TRMT11: variants seen among roughly 807,000 people sequenced by gnomAD.
TRMT11 encodes the protein tRNA methyltransferase 11.
Under a neutral mutation model 62.8 loss-of-function variants are expected in TRMT11, and 53 were observed. That is an observed-to-expected ratio of 0.84 (90% CI 0.68 to 1.06). The LOEUF is 1.06. Among genes scored for constraint, TRMT11 ranks in the 50% least tolerant of loss-of-function variants. TRMT11 has a pLI of 0.00. For missense variants in TRMT11, 556 were observed against 553.4 expected, an observed-to-expected ratio of 1.00 and a Z score of -0.05; for synonymous variants, 188 against 190.3, an observed-to-expected ratio of 0.99 and a Z score of 0.10.
the TRMT11 span, among the ~76,000 whole-genome samples, chr6:126,252,227 G>A: frequency 1.3e-5 from 2 of 152,210 alleles, no homozygotes; most frequent in African/African-American, 2.4e-5. Context: ...GGACAGCTGG[G>A]ACTTGGCGGT....
At chr6:126,110,708 G>A (rs1347369519) in intron 17 of TRMT11, among the ~76,000 whole-genome samples, 6 of 152,104 alleles carry the variant, frequency 3.9e-5, no homozygotes, top group African/African-American at 1.4e-4. Context: ...GCACACACAC[G>A]TGCATACAAA....
At chr6:126,027,000 G>A (rs559708655) in intron 12 of TRMT11, among the ~76,000 whole-genome samples, 64 of 151,432 alleles carry the variant, frequency 4.2e-4, no homozygotes, top group Middle Eastern at 3.5e-3. Context: ...TAGAGACGGG[G>A]TTTCACCATG....
At chr6:126,072,245 T>C (rs1776879868) in intron 17 of TRMT11, among the ~76,000 whole-genome samples, 2 of 152,200 alleles carry the variant, frequency 1.3e-5, no homozygotes, top group South Asian at 4.1e-4. Context: ...TAGGGAGCTC[T>C]GAAGTTGAAC....
In TRMT11 at chr6:125,992,367, T is replaced by C. The variant is rs556664074; in HGVS notation, c.73-1390T>C. Reference sequence around the variant, plus strand: ...CTTGGTTATAGTTGGATGTTTTAAATGTAAAACTGACTTTACAATATGCTT... The same window carrying C: ...CTTGGTTATAGTTGGATGTTTTAAACGTAAAACTGACTTTACAATATGCTT... On this transcript the variant is annotated intron_variant, in intron 1 of 12. Transcript: ENST00000334379. Among the ~76,000 whole-genome samples the C allele has an allele frequency of 2.6e-5, 4 of 152,328 alleles. No homozygotes were observed. The East Asian group carries it at 5.8e-4, about 22-fold the overall frequency.
chr6:125,998,650 C>G lies in TRMT11; in HGVS notation c.488C>G (p.Pro163Arg), dbSNP rs571690618. ...EDYGLDPNCI[P>R]ENPHNIYFGR... The stretch of plus-strand genomic sequence containing the variant: ...TATGGTTTAGACCCAAACTGCATCC[C>G]TGAGAATCCACATAATATTTATTTT... Residue 163 changes from proline to arginine, a missense_variant, in exon 6 of 13, where the codon CCT becomes CGT. Coordinates refer to ENST00000334379, the MANE Select transcript of TRMT11 (RefSeq NM_001031712.3). The G allele has an allele frequency of 8.7e-6, 14 of 1,613,188 alleles. No individual in the cohort carries two copies. Among genetic ancestry groups the G allele is most frequent in the African/African-American group, 1.3e-5 (1 of 75,000 alleles).
At chr6:126,254,763 G>A in the TRMT11 span, among the ~76,000 whole-genome samples, 1 of 152,044 alleles carries the variant, frequency 6.6e-6, no homozygotes, top group African/African-American at 2.4e-5. Flanking sequence ...ACTGTTAAAT[G>A]CCATTAGCTC....
chr6:126,238,822 C>G, the TRMT11 span, among the ~76,000 whole-genome samples: 1 of 152,124 alleles, frequency 6.6e-6, no homozygotes, highest in Admixed American at 6.5e-5. Context: ...GTTAAAGTCT[C>G]CCATTATTAT....
chr6:126,011,418 G>C lies in TRMT11; in HGVS notation c.925+1G>C, dbSNP rs187345220. On this transcript the variant is annotated splice_donor_variant, in intron 9 of 12. Transcript: ENST00000334379. LOFTEE classifies it high-confidence loss of function. ...TATTTTGATGCAATCATTACTGATC[G>C]TAAGTTTATTTTTATACAAAAGTAG... 5 of 1,606,364 alleles carry C rather than the reference G, an allele frequency of 3.1e-6. No individual in the cohort carries two copies. The highest frequency in any genetic ancestry group is 4.5e-5 in the East Asian group (2 of 44,680).
At chr6:126,252,168 T>C in the TRMT11 span, among the ~76,000 whole-genome samples, 1 of 152,238 alleles carries the variant, frequency 6.6e-6, no homozygotes, top group Non-Finnish European at 1.5e-5. Flanking sequence ...TGTTTGGGGC[T>C]TCAGCTGAGA....
chr6:126,189,149 C>T (rs990592731), intron 1 of TRMT11, among the ~76,000 whole-genome samples: 2 of 152,026 alleles, frequency 1.3e-5, no homozygotes, highest in East Asian at 3.9e-4. Context: ...CAGACAGACC[C>T]CTGTACTGAT....
At chr6:126,252,089 A>G in the TRMT11 span, among the ~76,000 whole-genome samples, 1 of 152,350 alleles carries the variant, frequency 6.6e-6, no homozygotes, top group South Asian at 2.1e-4. Context: ...AACCATTTTA[A>G]TATGCTCACA....
At chr6:126,183,998 T>C (rs1778498515) in intron 1 of TRMT11, among the ~76,000 whole-genome samples, 1 of 152,162 alleles carries the variant, frequency 6.6e-6, no homozygotes, top group African/African-American at 2.4e-5. Flanking sequence ...TGAGATGTCA[T>C]TTTGGTCTTG....
chr6:126,136,730 A>G (rs1777854321), intron 21 of TRMT11, among the ~76,000 whole-genome samples: 1 of 151,884 alleles, frequency 6.6e-6, no homozygotes, highest in Non-Finnish European at 1.5e-5. Flanking sequence ...CTGATTTCAA[A>G]TTACATGACA....
At chr6:126,075,023 CT>C (rs1283589968) in intron 17 of TRMT11, among the ~76,000 whole-genome samples, 2 of 151,766 alleles carry the variant, frequency 1.3e-5, no homozygotes, top group Non-Finnish European at 2.9e-5. Context: ...CTCATAAGAC[CT>C]CAAAAAATCA....
chr6:126,088,113 A>G (rs1777235081), intron 17 of TRMT11, among the ~76,000 whole-genome samples: 1 of 151,540 alleles, frequency 6.6e-6, no homozygotes, highest in Admixed American at 6.6e-5. Context: ...TATAGTACAT[A>G]GTCTATATAG....
intron 16 of TRMT11, among the ~76,000 whole-genome samples, chr6:126,050,676 G>A (rs1776190252): frequency 6.6e-6 from 1 of 151,364 alleles, no homozygotes; most frequent in East Asian, 1.9e-4. Context: ...TCCAGTGTGG[G>A]TGACACAGTG....
chr6:126,047,623 T>C (rs1562305264), intron 16 of TRMT11, among the ~76,000 whole-genome samples: 1 of 152,168 alleles, frequency 6.6e-6, no homozygotes, highest in Non-Finnish European at 1.5e-5. Flanking sequence ...GACTCTCCAC[T>C]GAGCTGGTTT....
At chr6:126,145,040 A>G (rs1777959085) in intron 21 of TRMT11, among the ~76,000 whole-genome samples, 2 of 152,178 alleles carry the variant, frequency 1.3e-5, no homozygotes, top group East Asian at 1.9e-4. Flanking sequence ...TTATATCTCT[A>G]TGGTCCTAGA....
intron 21 of TRMT11, among the ~76,000 whole-genome samples, chr6:126,144,802 A>T (rs1027018145): frequency 6.6e-6 from 1 of 152,114 alleles, no homozygotes; most frequent in Non-Finnish European, 1.5e-5. Flanking sequence ...TGTTTTTATA[A>T]AATTATTTTT....
Sources: gnomAD v4.1 joint callset for allele counts (sites outside exome capture counted in the v4.1 genomes callset) on GRCh38, gnomAD v4.1.1 for gene constraint, MANE v1.5 for transcripts, NCBI Gene and HGNC (gene_info 2026-07-23, HGNC 2026-07-21) for gene names.